The following RBFOX1 variants were observed in gnomAD, a reference collection of about 807,000 sequenced individuals.
The protein encoded by RBFOX1 is RNA binding protein fox-1 homolog 1.
RBFOX1 carries 8 observed loss-of-function variants against 57.7 expected under a neutral mutation model. The observed-to-expected ratio is 0.14, with a 90% CI of 0.08 to 0.25. The LOEUF (loss-of-function observed/expected upper bound fraction) is 0.25, where lower values mean the gene tolerates loss of function less well. RBFOX1 is among the 10% of genes least tolerant of loss of function. The probability of loss-of-function intolerance (pLI) is 1.00; values close to 1 mark genes in which losing one functional copy is unlikely to be tolerated. For missense variants in RBFOX1, 611 were observed against 548.5 expected, an observed-to-expected ratio of 1.11 and a Z score of -1.14; for synonymous variants, 326 against 222.4, an observed-to-expected ratio of 1.47 and a Z score of -4.15.
chr16:6,590,614 A>G (rs1025745886), intron 2 of RBFOX1, among the ~76,000 whole-genome samples: 11 of 152,190 alleles, frequency 7.2e-5, no homozygotes, highest in Non-Finnish European at 1.3e-4. Flanking sequence ...TTAAGAAGCT[A>G]AATTGGCTTC....
intron 4 of RBFOX1, among the ~76,000 whole-genome samples, chr16:5,981,881 C>T (rs528767579): frequency 2.0e-5 from 3 of 152,304 alleles, no homozygotes; most frequent in South Asian, 2.1e-4. Flanking sequence ...TTGTGTTTAG[C>T]GGGCGGAGGC....
chr16:5,425,121 CTTGA>C (rs1204505562), intron 1 of RBFOX1, among the ~76,000 whole-genome samples: 40 of 103,192 alleles, frequency 3.9e-4, no homozygotes, highest in Non-Finnish European at 7.6e-4. Context: ...ATCTATCTAT[CTTGA>C]GACAGAGTCT....
At chr16:7,345,150 C>G (rs964832078) in intron 4 of RBFOX1, among the ~76,000 whole-genome samples, 2 of 152,164 alleles carry the variant, frequency 1.3e-5, no homozygotes, top group African/African-American at 4.8e-5. Context: ...TCCGTTTAAA[C>G]ACAAATCAAG....
chr16:7,089,992 A>G (rs2060564425), intron 4 of RBFOX1, among the ~76,000 whole-genome samples: 2 of 151,736 alleles, frequency 1.3e-5, no homozygotes, highest in South Asian at 4.1e-4. Flanking sequence ...GCAAGCTAGC[A>G]TTAACACTGT....
chr16:7,001,067 C>G (rs893721305), intron 3 of RBFOX1, among the ~76,000 whole-genome samples: 5 of 152,104 alleles, frequency 3.3e-5, no homozygotes, highest in African/African-American at 1.2e-4. Context: ...TTTACTGATT[C>G]TTTGCTTACC....
chr16:6,982,816 A>T (rs2089276524), intron 3 of RBFOX1, among the ~76,000 whole-genome samples: 1 of 152,040 alleles, frequency 6.6e-6, no homozygotes, highest in African/African-American at 2.4e-5. Context: ...AACATGGCGG[A>T]GCCCTGTCTC....
intron 1 of RBFOX1, among the ~76,000 whole-genome samples, chr16:6,260,358 C>T (rs2097694287): frequency 6.6e-6 from 1 of 152,124 alleles, no homozygotes; most frequent in African/African-American, 2.4e-5. Flanking sequence ...CCAGTGCCTC[C>T]ATCTGATTCC....
At chr16:6,080,329 A>G (rs976201) in intron 1 of RBFOX1, among the ~76,000 whole-genome samples, 149,024 of 152,292 alleles carry the variant, frequency 0.98, 72,933 homozygotes, top group East Asian at 1. Flanking sequence ...GAACCTGGGT[A>G]TCTCTGACCT....
chr16:5,553,211 A>G (rs1170888172), intron 2 of RBFOX1, among the ~76,000 whole-genome samples: 1 of 152,138 alleles, frequency 6.6e-6, no homozygotes, highest in African/African-American at 2.4e-5. Context: ...CAGCAAACCA[A>G]CATGGCACAT....
rs147741094 is a variant in RBFOX1, at chr16:5,427,313, G to A, written c.220-39903G>A. 1.7e-4 allele frequency among the ~76,000 whole-genome samples: 26 copies of A among 152,308 alleles called. No individual in the cohort carries two copies. The East Asian group carries it at 3.9e-3, about 23-fold the overall frequency. Reference sequence around the variant, plus strand: ...TAAAACCTGCAACGTGGCTGGGCACGGTGGCTCATGCCTTTAATCCCAGCA... The same window carrying A: ...TAAAACCTGCAACGTGGCTGGGCACAGTGGCTCATGCCTTTAATCCCAGCA... On this transcript the variant is annotated intron_variant, in intron 1 of 2. Coordinates refer to the RBFOX1 transcript ENST00000585867.
intron 2 of RBFOX1, among the ~76,000 whole-genome samples, chr16:6,608,193 T>C (rs2097974553): frequency 6.6e-6 from 1 of 152,184 alleles, no homozygotes; most frequent in Non-Finnish European, 1.5e-5. Flanking sequence ...GTATCCTTGG[T>C]ATCATCATTT....
At chr16:6,981,227 C>A (rs548230943) in intron 3 of RBFOX1, among the ~76,000 whole-genome samples, 1 of 151,696 alleles carries the variant, frequency 6.6e-6, no homozygotes, top group Admixed American at 6.6e-5. Flanking sequence ...AGGTATTAAG[C>A]CTAGTACTCA....
intron 4 of RBFOX1, among the ~76,000 whole-genome samples, chr16:5,987,011 T>G (rs935753834): frequency 2.6e-5 from 4 of 152,246 alleles, no homozygotes; most frequent in Admixed American, 2.0e-4. Context: ...ACAATCCAGT[T>G]TATTTGCATC....
At chr16:6,517,881 T>C (rs2096412029) in intron 2 of RBFOX1, among the ~76,000 whole-genome samples, 2 of 152,182 alleles carry the variant, frequency 1.3e-5, no homozygotes, top group African/African-American at 4.8e-5. Context: ...TCTTATAAAG[T>C]CTGGGGCCTT....
chr16:7,135,973 TCATTTTTGCCTA>T (rs1187727873), intron 4 of RBFOX1, among the ~76,000 whole-genome samples: 1 of 152,256 alleles, frequency 6.6e-6, no homozygotes, highest in Non-Finnish European at 1.5e-5. Flanking sequence ...ACAGTTGCAT[TCATTTTTGCCTA>T]GGTGCTCTTC....
intron 1 of RBFOX1, among the ~76,000 whole-genome samples, chr16:6,196,713 T>G (rs1325782925): frequency 6.6e-6 from 1 of 152,214 alleles, no homozygotes; most frequent in Non-Finnish European, 1.5e-5. Context: ...ATAATAGAAT[T>G]TATTCAGGCA....
chr16:5,346,253 G>A (rs2065136952), intron 1 of RBFOX1, among the ~76,000 whole-genome samples: 2 of 152,166 alleles, frequency 1.3e-5, no homozygotes, highest in Admixed American at 6.5e-5. Flanking sequence ...CCAGTTATAA[G>A]ACAGGGAATA....
chr16:6,396,990 G>A (rs2092864868), intron 2 of RBFOX1, among the ~76,000 whole-genome samples: 2 of 152,084 alleles, frequency 1.3e-5, no homozygotes. Context: ...ATTTAATATA[G>A]ATTAATGTAT....
rs377737397 is a variant in RBFOX1, at chr16:6,784,208, C to T, written c.-16+129558C>T. Among the ~76,000 whole-genome samples, 10 of 151,958 alleles carry T rather than the reference C, an allele frequency of 6.6e-5. 2 individuals are homozygous for T. The highest frequency in any genetic ancestry group is 2.0e-4 in the Admixed American group (3 of 15,244). On this transcript the variant is annotated intron_variant, in intron 3 of 15. Transcript: ENST00000550418. The stretch of plus-strand genomic sequence containing the variant: ...TATTTTTTTGAATAAACTTTCTATC[C>T]CAATCTCTTTCTCTACTTCTTCTTC...
Sources: gnomAD v4.1 joint callset for allele counts (sites outside exome capture counted in the v4.1 genomes callset) on GRCh38, gnomAD v4.1.1 for gene constraint, MANE v1.5 for transcripts, NCBI Gene and HGNC (gene_info 2026-07-23, HGNC 2026-07-21) for gene names.